Variants in ABCG1 observed in about 807,000 individuals in gnomAD.
ABCG1 encodes ATP-binding cassette sub-family G member 1.
Under a neutral mutation model 69.2 loss-of-function variants are expected in ABCG1, and 29 were observed. The observed-to-expected ratio is 0.42, with a 90% CI of 0.31 to 0.57. The LOEUF (loss-of-function observed/expected upper bound fraction) is 0.57, where lower values mean the gene tolerates loss of function less well. Among genes scored for constraint, ABCG1 ranks in the 20% least tolerant of loss-of-function variants. ABCG1 has a pLI of 0.15. For synonymous variants in ABCG1, 370 were observed against 374.8 expected, an observed-to-expected ratio of 0.99 and a Z score of 0.15; for missense variants, 718 against 898.1, an observed-to-expected ratio of 0.80 and a Z score of 2.56.
chr21:42,223,641 A>C (rs1165796379), intron 1 of ABCG1, among the ~76,000 whole-genome samples: 1 of 152,226 alleles, frequency 6.6e-6, no homozygotes, highest in Non-Finnish European at 1.5e-5. Flanking sequence ...GCCTGGGGCC[A>C]GATCTTGAAC....
At chr21:42,235,760 T>C (rs2067970479) in intron 2 of ABCG1, among the ~76,000 whole-genome samples, 1 of 152,086 alleles carries the variant, frequency 6.6e-6, no homozygotes. Flanking sequence ...AGACTGTAAA[T>C]GCTTCGTATC....
rs2068991328 is a variant in ABCG1 at position 42,288,462 on chromosome 21, C to T, written c.1224+150C>T. 4 of 653,168 alleles carry T rather than the reference C, an allele frequency of 6.1e-6. No individual in the cohort carries two copies. The East Asian group carries it at 1.1e-4, about 18-fold the overall frequency. The allele number at this position is 653,168 out of a possible 1,614,324, so 40.5% of individuals were successfully genotyped here. A position where few individuals can be genotyped will look rare whatever the true frequency, so the allele number is the denominator to read the frequency against. On this transcript the variant is annotated intron_variant, in intron 10 of 14. Transcript: ENST00000398449. This position sits in a 1 kb window ranked among gnomAD's most constrained non-coding sequence, Gnocchi z 4.8. ...GTGACTCATGTCTGTAACCCCAGCA[C>T]TTTGGGAGGCCAAGGCAGGCAGATC...
intron 2 of ABCG1, among the ~76,000 whole-genome samples, chr21:42,242,569 G>T (rs1353899882): frequency 6.6e-6 from 1 of 152,174 alleles, no homozygotes; most frequent in Admixed American, 6.5e-5. Flanking sequence ...TATTATAGAT[G>T]TGTGGTACCT....
At chr21:42,201,333 G>A (rs917234943) in intron 1 of ABCG1, among the ~76,000 whole-genome samples, 1 of 152,120 alleles carries the variant, frequency 6.6e-6, no homozygotes, top group Non-Finnish European at 1.5e-5. Flanking sequence ...TGAGTGCTCA[G>A]CTCACAATAG....
chr21:42,259,001 C>A (rs2068358174), intron 2 of ABCG1, among the ~76,000 whole-genome samples: 1 of 152,192 alleles, frequency 6.6e-6, no homozygotes, highest in Non-Finnish European at 1.5e-5. Flanking sequence ...GAGGGCATAG[C>A]CAGTGCTTTC....
In ABCG1 at chr21:42,253,745, T is replaced by A. The variant is rs2068259450; in HGVS notation, c.287-17325T>A. Among the ~76,000 whole-genome samples the A allele has an allele frequency of 2.0e-5, 3 of 152,102 alleles. No homozygotes were observed. The South Asian group carries it at 6.2e-4, about 32-fold the overall frequency. On this transcript the variant is annotated intron_variant, in intron 2 of 14. Transcript: ENST00000398449. ...AGCATCAGGGGACCCTCTGTAGGAC[T>A]GGGGGTGAGATCGATGGACCTGCCA...
At chr21:42,278,835 TG>T (rs951370727) in intron 5 of ABCG1, among the ~76,000 whole-genome samples, 2 of 151,774 alleles carry the variant, frequency 1.3e-5, no homozygotes, top group Non-Finnish European at 2.9e-5. Flanking sequence ...AACGGGGCCC[TG>T]GGATTGAGCC....
intron 2 of ABCG1, among the ~76,000 whole-genome samples, chr21:42,240,269 A>G (rs1340057714): frequency 6.6e-6 from 1 of 152,196 alleles, no homozygotes; most frequent in Non-Finnish European, 1.5e-5. Flanking sequence ...GATGAGTTCA[A>G]GTTCCTGCTG....
Position 42,225,685 on chromosome 21 carries a change from C to T in ABCG1, c.57C>T (p.Tyr19=), listed in dbSNP as rs2067804032. ...GGTTTTTCTAGAATGCCAGCAGTTA[C>T]TCTGCAGAGATGACGGAGCCCAAGT... is the stretch of plus-strand genomic sequence containing the variant. ...SVGTAMNASS[Y]SAEMTEPKSV... Residue 19 remains tyrosine, a synonymous_variant, in exon 2 of 15, where the codon TAC becomes TAT. Coordinates refer to ENST00000398449, the MANE Select transcript of ABCG1 (RefSeq NM_016818.3). The T allele has an allele frequency of 6.2e-7, 1 of 1,612,288 alleles. No homozygotes were observed. The highest frequency in any genetic ancestry group is 2.2e-5 in the East Asian group (1 of 44,772).
In ABCG1 at chr21:42,219,787, G is replaced by A; in HGVS notation, c.42+483G>A. ...CCAGGAACGCCAGGCAAGGTCTGGG[G>A]GAACAAAAGAGGAAGCTGCCCCCAG... On this transcript the variant is annotated intron_variant, in intron 1 of 14. Transcript: ENST00000398449. This position sits in a 1 kb window ranked among gnomAD's most constrained non-coding sequence, Gnocchi z 5.3. The A allele has an allele frequency of 2.1e-6, 3 of 1,421,716 alleles. No individual in the cohort carries two copies. The highest frequency in any genetic ancestry group is 2.8e-6 in the Non-Finnish European group (3 of 1,090,198). 88.1% of individuals were successfully genotyped at this position (1,421,716 alleles called of 1,614,324 possible). A position where few individuals can be genotyped will look rare whatever the true frequency, so the allele number is the denominator to read the frequency against.
At chr21:42,200,874 C>T (rs2067501255) in intron 1 of ABCG1, among the ~76,000 whole-genome samples, 1 of 152,272 alleles carries the variant, frequency 6.6e-6, no homozygotes, top group African/African-American at 2.4e-5. Flanking sequence ...CAGGCATGAA[C>T]CACCACGCCT....
chr21:42,221,217 G>A (rs1478203549), intron 1 of ABCG1: 2 of 152,222 alleles, frequency 1.3e-5, no homozygotes, highest in African/African-American at 4.8e-5. Context: ...GATGGTAGAA[G>A]CTAAGCAGAG....
At chr21:42,208,804 T>A (rs2067563766) in intron 2 of ABCG1, among the ~76,000 whole-genome samples, 1 of 152,250 alleles carries the variant, frequency 6.6e-6, no homozygotes, top group Non-Finnish European at 1.5e-5. Context: ...TTTTTTCTTT[T>A]TTAAAATGAG....
intron 2 of ABCG1, among the ~76,000 whole-genome samples, chr21:42,246,333 C>T (rs1569217159): frequency 2.0e-5 from 3 of 152,200 alleles, no homozygotes; most frequent in Non-Finnish European, 2.9e-5. Flanking sequence ...ATATTTGTCA[C>T]CTCTTTAAGA....
At chr21:42,268,388 T>TGTGCGC (rs57264459) in intron 2 of ABCG1, among the ~76,000 whole-genome samples, 58 of 110,178 alleles carry the variant, frequency 5.3e-4, no homozygotes, top group African/African-American at 1.6e-3. Flanking sequence ...TGTGTGTGTG[T>TGTGCGC]GCGCGCGCGC....
exon 2 of ABCG1, chr21:42,201,639 T>A (rs1373716122): frequency 6.3e-7 from 1 of 1,593,298 alleles, no homozygotes; most frequent in Non-Finnish European, 8.6e-7. Context: ...TCAGCAGACA[T>A]CAGGGATCAC....
intron 2 of ABCG1, among the ~76,000 whole-genome samples, chr21:42,253,114 C>G (rs900520029): frequency 6.6e-6 from 1 of 152,252 alleles, no homozygotes; most frequent in Non-Finnish European, 1.5e-5. Flanking sequence ...AGATGCTAGC[C>G]TTGGAGGAGC....
At chr21:42,272,996 C>G (rs147994246) in intron 3 of ABCG1, among the ~76,000 whole-genome samples, 209 of 152,342 alleles carry the variant, frequency 1.4e-3, no homozygotes, top group African/African-American at 4.9e-3. Context: ...ACCATCCCTG[C>G]CAATCTTTGT....
At chr21:42,201,412 C>T (rs1040665353) in intron 1 of ABCG1, among the ~76,000 whole-genome samples, 6 of 152,174 alleles carry the variant, frequency 3.9e-5, no homozygotes, top group South Asian at 2.1e-4. Context: ...AGCCATAAAG[C>T]TCCCTCGCTT....
Sources: allele counts gnomAD v4.1 joint callset (sites outside exome capture counted in the v4.1 genomes callset), GRCh38; gene constraint gnomAD v4.1.1; non-coding constraint Gnocchi (gnomAD v3.1); transcripts MANE v1.5; gene names NCBI Gene and HGNC (gene_info 2026-07-23, HGNC 2026-07-21).